RBFOX2: variants seen among roughly 807,000 people sequenced by gnomAD.
RBFOX2 encodes the protein RNA binding protein fox-1 homolog 2.
Under a neutral mutation model 49.1 loss-of-function variants are expected in RBFOX2, and 10 were observed. That is an observed-to-expected ratio of 0.20 (90% CI 0.13 to 0.35). The LOEUF is 0.35. Ranked by LOEUF, RBFOX2 falls within the 10% of genes least tolerant of loss-of-function variation. The pLI, the probability that RBFOX2 is intolerant of heterozygous loss-of-function variation, is 1.00. For synonymous variants in RBFOX2, 183 were observed against 187.4 expected, an observed-to-expected ratio of 0.98 and a Z score of 0.19; for missense variants, 323 against 486.9, an observed-to-expected ratio of 0.66 and a Z score of 3.17.
At chr22:35,951,661 A>G (rs2054955159) in intron 1 of RBFOX2, among the ~76,000 whole-genome samples, 1 of 152,216 alleles carries the variant, frequency 6.6e-6, no homozygotes, top group African/African-American at 2.4e-5. Flanking sequence ...TACTTACTAT[A>G]TATAAGACAG....
chr22:35,750,521 A>G lies in RBFOX2; in HGVS notation c.888-3960T>C, dbSNP rs1391520404. The G allele has an allele frequency of 3.9e-6, 5 of 1,274,748 alleles. No individual in the cohort carries two copies. In the East Asian group the frequency reaches 1.2e-4, roughly 30 times the overall value. 79.0% of individuals were successfully genotyped at this position (1,274,748 alleles called of 1,614,324 possible). A position where few individuals can be genotyped will look rare whatever the true frequency, so the allele number is the denominator to read the frequency against. ...GCATGGCCACAGCACACCCTAATGTAGGAGGGCACACACGGACGGCTTTTT... is the reference window on the plus strand; with the variant it reads ...GCATGGCCACAGCACACCCTAATGTGGGAGGGCACACACGGACGGCTTTTT... On this transcript the variant is annotated intron_variant, in intron 9 of 11. Transcript: ENST00000405409.
At chr22:35,791,060 C>A (rs1369754787) in intron 2 of RBFOX2, among the ~76,000 whole-genome samples, 1 of 151,234 alleles carries the variant, frequency 6.6e-6, no homozygotes, top group African/African-American at 2.4e-5. Flanking sequence ...AGGAAACAAG[C>A]AAGCTAGAAA....
At chr22:35,869,738 A>G (rs746191021) in intron 1 of RBFOX2, among the ~76,000 whole-genome samples, 10 of 152,186 alleles carry the variant, frequency 6.6e-5, no homozygotes, top group African/African-American at 9.6e-5. Flanking sequence ...GTCATCCCTC[A>G]TCTTTTAGTC....
At chr22:35,837,262 T>C (rs917180256) in intron 1 of RBFOX2, among the ~76,000 whole-genome samples, 1 of 152,186 alleles carries the variant, frequency 6.6e-6, no homozygotes, top group East Asian at 1.9e-4. Flanking sequence ...AAAGCCCTTT[T>C]CCAACAGCTG....
In RBFOX2 at chr22:35,746,468, C is replaced by A; in HGVS notation, c.976+5G>T. The A allele has an allele frequency of 6.3e-7, 1 of 1,588,532 alleles. No individual in the cohort carries two copies. Among genetic ancestry groups the A allele is most frequent in the Non-Finnish European group, 8.6e-7 (1 of 1,162,704 alleles). Reference sequence around the variant, plus strand: ...CCCAAAGCTCACCACTGTCTCTGTACATACCCGTCACTGTAAGCGGCTGCA... The same window carrying A: ...CCCAAAGCTCACCACTGTCTCTGTAAATACCCGTCACTGTAAGCGGCTGCA... On this transcript the variant is annotated splice_donor_5th_base_variant and intron_variant, in intron 10 of 11. Transcript: ENST00000405409.
chr22:35,965,934 A>G (rs2056534509), upstream of RBFOX2, among the ~76,000 whole-genome samples: 1 of 152,146 alleles, frequency 6.6e-6, no homozygotes, highest in African/African-American at 2.4e-5. Flanking sequence ...GCATAACTCA[A>G]TGAATTTTCA....
intron 1 of RBFOX2, among the ~76,000 whole-genome samples, chr22:36,009,473 A>T (rs2058733313): frequency 6.6e-6 from 1 of 152,144 alleles, no homozygotes; most frequent in East Asian, 1.9e-4. Context: ...TCCTGGGCTC[A>T]AGAGGTCCTC....
intron 2 of RBFOX2, among the ~76,000 whole-genome samples, chr22:35,805,461 C>G (rs190529559): frequency 1.6e-4 from 25 of 152,082 alleles, no homozygotes; most frequent in African/African-American, 6.0e-4. Flanking sequence ...TTAGAATGGC[C>G]AAAATCCAGA....
intron 1 of RBFOX2, among the ~76,000 whole-genome samples, chr22:35,958,429 T>G (rs2055835204): frequency 6.6e-6 from 1 of 152,184 alleles, no homozygotes; most frequent in Admixed American, 6.5e-5. Context: ...TGCTTTGAGT[T>G]CACAATCCTG....
intron 1 of RBFOX2, among the ~76,000 whole-genome samples, chr22:35,988,188 G>A (rs563216950): frequency 3.0e-4 from 45 of 152,242 alleles, no homozygotes; most frequent in African/African-American, 8.9e-4. Flanking sequence ...CAAAAGAACC[G>A]CACAGCGATC....
intron 1 of RBFOX2, among the ~76,000 whole-genome samples, chr22:36,005,989 G>A (rs546041085): frequency 6.6e-6 from 1 of 152,304 alleles, no homozygotes; most frequent in African/African-American, 2.4e-5. Context: ...AAGCTTTCCA[G>A]AATAATTTGT....
chr22:35,815,703 A>C (rs1423724820), intron 1 of RBFOX2, among the ~76,000 whole-genome samples: 1 of 152,228 alleles, frequency 6.6e-6, no homozygotes, highest in African/African-American at 2.4e-5. Flanking sequence ...ATTTTGGTAG[A>C]GCATATTCTC....
At chr22:35,744,101 T>G in exon 12 of RBFOX2, 1 of 1,030,324 alleles carries the variant, frequency 9.7e-7, no homozygotes, top group African/African-American at 1.6e-5. Context: ...GTTTGTTTGT[T>G]TTTCCTCTTC....
At chr22:35,852,337 C>G (rs2042035896) in intron 1 of RBFOX2, among the ~76,000 whole-genome samples, 1 of 152,028 alleles carries the variant, frequency 6.6e-6, no homozygotes, top group South Asian at 2.1e-4. Context: ...TATATTCTAA[C>G]AGTCTCCTGT....
At chr22:35,801,389 T>A (rs1285209121) in intron 2 of RBFOX2, among the ~76,000 whole-genome samples, 1 of 151,996 alleles carries the variant, frequency 6.6e-6, no homozygotes, top group Admixed American at 6.6e-5. Context: ...GGTTTTACAA[T>A]GTATTGCTCA....
intron 1 of RBFOX2, among the ~76,000 whole-genome samples, chr22:35,882,291 C>T (rs1051866690): frequency 1.3e-5 from 2 of 152,054 alleles, no homozygotes; most frequent in Non-Finnish European, 2.9e-5. Context: ...ACAGATAGGT[C>T]AAGTAAGATG....
In RBFOX2 at chr22:35,872,391, T is replaced by C. The variant is rs558874126; in HGVS notation, c.-33-62387A>G. ...TTTGCCGTCTATAGGCGACTTGTGT[T>C]AATCAGCTCAATCAGACCCTCTACC... On this transcript the variant is annotated intron_variant, in intron 1 of 13. Transcript: ENST00000359369. 1.2e-4 allele frequency among the ~76,000 whole-genome samples: 18 copies of C among 152,288 alleles called. 1 individual carries two copies. In the South Asian group the frequency reaches 3.5e-3, roughly 30 times the overall value.
intron 4 of RBFOX2, among the ~76,000 whole-genome samples, chr22:35,775,726 A>T (rs1943711329): frequency 6.6e-6 from 1 of 151,628 alleles, no homozygotes; most frequent in African/African-American, 2.4e-5. Flanking sequence ...CTGTTATCCC[A>T]GCTACTCGGG....
intron 1 of RBFOX2, chr22:35,992,635 T>TA (rs775383926): frequency 1.3e-5 from 2 of 152,336 alleles, no homozygotes; most frequent in East Asian, 3.9e-4. Context: ...AGTTTCCTTA[T>TA]AAAAAAGCTC....
Sources: allele counts gnomAD v4.1 joint callset (sites outside exome capture counted in the v4.1 genomes callset), GRCh38; gene constraint gnomAD v4.1.1; transcripts MANE v1.5; gene names NCBI Gene and HGNC (gene_info 2026-07-23, HGNC 2026-07-21).